The following KIAA1217 variants were observed in gnomAD, a reference collection of about 807,000 sequenced individuals.
The protein encoded by KIAA1217 is KIAA1217, also known as sickle tail protein homolog.
Under a neutral mutation model 163.9 loss-of-function variants are expected in KIAA1217, and 88 were observed. The ratio of observed to expected loss-of-function variants is 0.54; its 90% CI spans 0.45 to 0.64. KIAA1217 has a LOEUF of 0.64. Among genes scored for constraint, KIAA1217 ranks in the 30% least tolerant of loss-of-function variants. The pLI is 0.00. For missense variants in KIAA1217, 2,372 were observed against 2,475.0 expected, an observed-to-expected ratio of 0.96 and a Z score of 0.88; for synonymous variants, 903 against 923.1, an observed-to-expected ratio of 0.98 and a Z score of 0.39.
chr10:24,013,223 G>A (rs112396738), intron 2 of KIAA1217, among the ~76,000 whole-genome samples: 83 of 152,116 alleles, frequency 5.5e-4, no homozygotes, highest in Non-Finnish European at 9.4e-4. Flanking sequence ...GCACAAGAAG[G>A]CCAAGATGTG....
At chr10:24,222,976 C>T (rs749578106) in intron 2 of KIAA1217, among the ~76,000 whole-genome samples, 5 of 152,152 alleles carry the variant, frequency 3.3e-5, no homozygotes, top group East Asian at 1.9e-4. Flanking sequence ...AATTTCCTGA[C>T]GTTGCCATGG....
chr10:24,119,379 T>G (rs904024029), intron 2 of KIAA1217, among the ~76,000 whole-genome samples: 2 of 152,194 alleles, frequency 1.3e-5, no homozygotes, highest in Admixed American at 1.3e-4. Context: ...AGAGTAAACT[T>G]AGCTAAAACA....
chr10:23,879,348 G>A (rs1178443104), intron 1 of KIAA1217, among the ~76,000 whole-genome samples: 1 of 151,904 alleles, frequency 6.6e-6, no homozygotes, highest in Non-Finnish European at 1.5e-5. Context: ...TTAAGACAGA[G>A]TACAAGGCAT....
At chr10:24,455,760 A>C (rs2061722715) in intron 5 of KIAA1217, among the ~76,000 whole-genome samples, 1 of 152,230 alleles carries the variant, frequency 6.6e-6, no homozygotes, top group Admixed American at 6.5e-5. Context: ...TCTCACAGTG[A>C]TTATAGATAA....
intron 1 of KIAA1217, among the ~76,000 whole-genome samples, chr10:23,941,954 A>G (rs1008656018): frequency 2.6e-5 from 4 of 152,220 alleles, no homozygotes; most frequent in African/African-American, 9.6e-5. Flanking sequence ...CCACAACGTC[A>G]GGACAGTCAA....
At chr10:23,868,068 T>A (rs1247290078) in intron 1 of KIAA1217, among the ~76,000 whole-genome samples, 1 of 152,162 alleles carries the variant, frequency 6.6e-6, no homozygotes, top group Non-Finnish European at 1.5e-5. Context: ...TTTCTACATA[T>A]GGCTAGCCAG....
chr10:24,390,557 G>GAGA, intron 3 of KIAA1217, among the ~76,000 whole-genome samples: 1 of 148,230 alleles, frequency 6.7e-6, no homozygotes, highest in South Asian at 2.2e-4. Flanking sequence ...TCAAAAGAAA[G>GAGA]GGAGAAAGAG....
At chr10:23,982,450 A>G (rs1046325585) in intron 1 of KIAA1217, among the ~76,000 whole-genome samples, 4 of 151,948 alleles carry the variant, frequency 2.6e-5, no homozygotes, top group African/African-American at 9.7e-5. Flanking sequence ...AGCCAGTGTG[A>G]GATTTCCCTA....
At chr10:24,347,757 G>A (rs1366530178) in intron 2 of KIAA1217, among the ~76,000 whole-genome samples, 1 of 152,142 alleles carries the variant, frequency 6.6e-6, no homozygotes, top group African/African-American at 2.4e-5. Flanking sequence ...GTGAAGAAAT[G>A]CTTTGAGGTT....
At chr10:24,418,172 G>A (rs2131476370) in intron 3 of KIAA1217, among the ~76,000 whole-genome samples, 1 of 151,938 alleles carries the variant, frequency 6.6e-6, no homozygotes, top group African/African-American at 2.4e-5. Context: ...ATTCAGGCCG[G>A]TCTTAAACTC....
chr10:23,834,149 G>A (rs1244186146), intron 1 of KIAA1217, among the ~76,000 whole-genome samples: 1 of 152,126 alleles, frequency 6.6e-6, no homozygotes, highest in African/African-American at 2.4e-5. Flanking sequence ...TTTTGAGTGA[G>A]AAAATCTTGC....
At chr10:24,036,756 A>C (rs114974828) in intron 2 of KIAA1217, among the ~76,000 whole-genome samples, 2,592 of 152,110 alleles carry the variant, frequency 0.017, 82 homozygotes, top group African/African-American at 0.06. Flanking sequence ...GTGAGAACGC[A>C]CTCATTACCA....
chr10:24,043,394 A>G (rs1848757035), intron 2 of KIAA1217, among the ~76,000 whole-genome samples: 1 of 152,132 alleles, frequency 6.6e-6, no homozygotes, highest in African/African-American at 2.4e-5. Context: ...CCTCTTCTCC[A>G]TTAAAAACTA....
chr10:24,167,169 T>C (rs775710320), intron 2 of KIAA1217, among the ~76,000 whole-genome samples: 2 of 137,042 alleles, frequency 1.5e-5, no homozygotes, highest in Non-Finnish European at 1.6e-5. Context: ...TGGACTTCTC[T>C]AGTCTTTGTT....
At chr10:23,802,246 C>T (rs1018209871) in intron 1 of KIAA1217, among the ~76,000 whole-genome samples, 4 of 152,156 alleles carry the variant, frequency 2.6e-5, no homozygotes, top group Non-Finnish European at 5.9e-5. Context: ...TGGTCACTCT[C>T]ACCTCACATG....
chr10:23,858,030 G>T (rs1839780873), intron 1 of KIAA1217, among the ~76,000 whole-genome samples: 1 of 151,730 alleles, frequency 6.6e-6, no homozygotes, highest in African/African-American at 2.4e-5. Context: ...AAGAGGATCA[G>T]ATATGGAAGG....
At chr10:23,939,718 AATC>A (rs1004724159) in intron 1 of KIAA1217, among the ~76,000 whole-genome samples, 1 of 151,628 alleles carries the variant, frequency 6.6e-6, no homozygotes, top group African/African-American at 2.4e-5. Flanking sequence ...GTAGACAGAG[AATC>A]ATCAAGTATA....
At position 24,030,927 on chromosome 10, in the gene KIAA1217, T is replaced by C. The variant is rs1027083661; in HGVS notation, c.-171+23553T>C. On this transcript the variant is annotated intron_variant, in intron 2 of 18. Transcript: ENST00000376462. ...CCATCTATCATTGTTTCTTCATTTA[T>C]CCATAGACATTAAGGTTGTTTCTAC... Among the ~76,000 whole-genome samples, 15 of 152,372 alleles carry C rather than the reference T, an allele frequency of 9.8e-5. No individual in the cohort carries two copies. The East Asian group carries it at 2.9e-3, about 29-fold the overall frequency.
intron 1 of KIAA1217, among the ~76,000 whole-genome samples, chr10:23,894,051 C>G (rs1379446105): frequency 6.9e-6 from 1 of 145,794 alleles, no homozygotes; most frequent in Non-Finnish European, 1.5e-5. Context: ...TGGGCAAAAG[C>G]TGGAAGCATT....
Sources: allele counts gnomAD v4.1 joint callset (sites outside exome capture counted in the v4.1 genomes callset), GRCh38; gene constraint gnomAD v4.1.1; transcripts MANE v1.5; gene names NCBI Gene and HGNC (gene_info 2026-07-23, HGNC 2026-07-21).